Variants in SGCD observed in about 807,000 individuals in gnomAD.
SGCD encodes sarcoglycan delta.
Under a neutral mutation model 36.6 loss-of-function variants are expected in SGCD, and 18 were observed. The ratio of observed to expected loss-of-function variants is 0.49; its 90% CI spans 0.34 to 0.73. The LOEUF is 0.73. SGCD is among the 30% of genes least tolerant of loss of function. SGCD has a pLI of 0.01. For missense variants in SGCD, 387 were observed against 346.7 expected (o/e 1.12, Z -0.92); for synonymous variants, 133 against 130.6 (o/e 1.02, Z -0.12).
At chr5:155,756,467 ATTG>A in the SGCD span, among the ~76,000 whole-genome samples, 6 of 152,028 alleles carry the variant, frequency 3.9e-5, no homozygotes, top group African/African-American at 1.5e-4. Context: ...CATCCCCCAA[ATTG>A]TTGATATCTT....
chr5:156,013,227 G>A (rs1758898110), intron 1 of SGCD, among the ~76,000 whole-genome samples: 2 of 151,922 alleles, frequency 1.3e-5, no homozygotes, highest in African/African-American at 2.4e-5. Flanking sequence ...GTTTCACCAT[G>A]TTGGCCAGGC....
intron 1 of SGCD, among the ~76,000 whole-genome samples, chr5:156,113,833 G>A (rs995512098): frequency 1.3e-5 from 2 of 152,120 alleles, no homozygotes; most frequent in Non-Finnish European, 2.9e-5. Context: ...TCTGTGCTAA[G>A]AAGAAATTTT....
chr5:156,404,633 C>T (rs1223495712), intron 3 of SGCD, among the ~76,000 whole-genome samples: 4 of 152,206 alleles, frequency 2.6e-5, no homozygotes, highest in African/African-American at 9.7e-5. Context: ...TGTCTCAAAA[C>T]ACTTTATATG....
chr5:156,728,652 T>TGTCA (rs1421937359), intron 7 of SGCD, among the ~76,000 whole-genome samples: 1 of 151,986 alleles, frequency 6.6e-6, no homozygotes, highest in Non-Finnish European at 1.5e-5. Flanking sequence ...AACATTTTTC[T>TGTCA]GTCATAATTA....
chr5:155,889,720 C>T (rs577111415), intron 1 of SGCD, among the ~76,000 whole-genome samples: 3 of 152,330 alleles, frequency 2.0e-5, no homozygotes, highest in Admixed American at 6.5e-5. Context: ...GATCTTGTGG[C>T]ATCAAATGCA....
At chr5:156,303,792 T>C (rs553851067) in intron 3 of SGCD, among the ~76,000 whole-genome samples, 37 of 151,900 alleles carry the variant, frequency 2.4e-4, no homozygotes, top group African/African-American at 8.0e-4. Context: ...TGGATTCCAC[T>C]TGGTAACCTC....
rs185354443 is a variant in SGCD, at chr5:156,532,791, A to C, written c.294+24089A>C. On this transcript the variant is annotated intron_variant, in intron 4 of 8. Coordinates refer to ENST00000337851, the MANE Select transcript of SGCD (RefSeq NM_000337.6). The stretch of plus-strand genomic sequence containing the variant: ...GCTTATTTCTTATAGTGACCTTATA[A>C]AGGCTCTATCACTTTGATCTTCTAT... 8.5e-4 allele frequency among the ~76,000 whole-genome samples: 129 copies of C among 152,228 alleles called. 1 individual carries two copies. The South Asian group carries it at 0.013, about 15-fold the overall frequency.
intron 1 of SGCD, among the ~76,000 whole-genome samples, chr5:156,044,272 G>A (rs1434351295): frequency 6.6e-6 from 1 of 152,150 alleles, no homozygotes; most frequent in African/African-American, 2.4e-5. Flanking sequence ...GCTCAACAAA[G>A]GCTGTTGAAT....
intron 2 of SGCD, among the ~76,000 whole-genome samples, chr5:156,334,954 A>G (rs1040731588): frequency 7.2e-5 from 11 of 152,178 alleles, no homozygotes; most frequent in Non-Finnish European, 1.0e-4. Context: ...GCCTGTGAGT[A>G]ATGGAGAGAA....
the SGCD span, among the ~76,000 whole-genome samples, chr5:155,833,818 T>C: frequency 6.6e-6 from 1 of 152,200 alleles, no homozygotes; most frequent in Non-Finnish European, 1.5e-5. Context: ...TATTTCACTG[T>C]CTCTTTCTAA....
intron 3 of SGCD, among the ~76,000 whole-genome samples, chr5:156,170,839 C>T (rs1006773128): frequency 2.6e-5 from 4 of 152,196 alleles, no homozygotes; most frequent in African/African-American, 9.6e-5. Flanking sequence ...GCAGCTTTTG[C>T]AAGAGAAGAA....
intron 1 of SGCD, among the ~76,000 whole-genome samples, chr5:155,879,518 A>G (rs573749281): frequency 1.3e-5 from 2 of 152,220 alleles, no homozygotes; most frequent in East Asian, 3.9e-4. Flanking sequence ...TTGAGTAACC[A>G]CACAATTTCC....
At chr5:156,649,881 A>G (rs1763396660) in intron 7 of SGCD, among the ~76,000 whole-genome samples, 1 of 152,150 alleles carries the variant, frequency 6.6e-6, no homozygotes. Flanking sequence ...TTTTTTAAAA[A>G]GCAGGACTCT....
chr5:156,427,449 T>G (rs1448114555), intron 3 of SGCD, among the ~76,000 whole-genome samples: 1 of 152,100 alleles, frequency 6.6e-6, no homozygotes, highest in East Asian at 1.9e-4. Context: ...AGTGAGTCTT[T>G]AGGGTTTTTT....
chr5:156,089,025 C>T (rs1235313340), intron 1 of SGCD, among the ~76,000 whole-genome samples: 1 of 152,192 alleles, frequency 6.6e-6, no homozygotes, highest in Non-Finnish European at 1.5e-5. Flanking sequence ...TTAATGGCAC[C>T]TTGTCCCCTG....
chr5:156,379,025 G>T (rs1401869275), intron 3 of SGCD, among the ~76,000 whole-genome samples: 1 of 151,980 alleles, frequency 6.6e-6, no homozygotes, highest in African/African-American at 2.4e-5. Context: ...ATCTACTTAT[G>T]TACTCACAAA....
At chr5:156,569,299 A>G (rs1019965079) in intron 4 of SGCD, among the ~76,000 whole-genome samples, 2 of 152,098 alleles carry the variant, frequency 1.3e-5, no homozygotes, top group Non-Finnish European at 2.9e-5. Context: ...GACAAAAAAA[A>G]ATAGACAATC....
At chr5:156,086,216 A>G (rs1296826651) in intron 1 of SGCD, among the ~76,000 whole-genome samples, 4 of 152,240 alleles carry the variant, frequency 2.6e-5, no homozygotes, top group East Asian at 3.9e-4. Flanking sequence ...ATAATCAAAT[A>G]TGATGTATAC....
intron 1 of SGCD, among the ~76,000 whole-genome samples, chr5:155,889,072 G>T (rs531610467): frequency 2.6e-4 from 40 of 152,136 alleles, no homozygotes; most frequent in Non-Finnish European, 5.3e-4. Flanking sequence ...GTGTATTATT[G>T]TTTGCTCTTT....
Sources: allele counts gnomAD v4.1 joint callset (sites outside exome capture counted in the v4.1 genomes callset), GRCh38; gene constraint gnomAD v4.1.1; transcripts MANE v1.5; gene names NCBI Gene and HGNC (gene_info 2026-07-23, HGNC 2026-07-21).